The following FBP1 variants were observed in gnomAD, a reference collection of about 807,000 sequenced individuals.
FBP1 encodes fructose-1,6-bisphosphatase 1.
FBP1 carries 22 observed loss-of-function variants against 29.9 expected under a neutral mutation model. That is an observed-to-expected ratio of 0.74 (90% CI 0.53 to 1.05). The LOEUF (loss-of-function observed/expected upper bound fraction) is 1.05. FBP1 is among the 50% of genes least tolerant of loss of function. The pLI, the probability that FBP1 is intolerant of heterozygous loss-of-function variation, is 0.00. For missense variants in FBP1, 345 were observed against 448.2 expected (o/e 0.77, Z 2.08); for synonymous variants, 175 against 178.6 (o/e 0.98, Z 0.16).
chr9:94,608,027 T>G (rs552254321), intron 4 of FBP1, among the ~76,000 whole-genome samples: 1 of 152,328 alleles, frequency 6.6e-6, no homozygotes, highest in East Asian at 1.9e-4. Flanking sequence ...AATAAATGTC[T>G]TTCAAAAAAC....
chr9:94,612,674 A>G (rs1827803539), intron 3 of FBP1, among the ~76,000 whole-genome samples: 1 of 149,912 alleles, frequency 6.7e-6, no homozygotes, highest in Non-Finnish European at 1.5e-5. Context: ...CTCCTGCCTC[A>G]GCCTCCCAAG....
intron 4 of FBP1, among the ~76,000 whole-genome samples, chr9:94,607,543 G>T (rs952885839): frequency 2.0e-5 from 3 of 152,192 alleles, no homozygotes; most frequent in African/African-American, 4.8e-5. Flanking sequence ...GCTCGCTGGC[G>T]TGTGAAGTTT....
rs1027097677 is a variant in FBP1 at position 94,607,779 on chromosome 9, CCACCGA to C, written c.568-833_568-828del. Among the ~76,000 whole-genome samples the C allele has an allele frequency of 1.5e-3, 234 of 152,008 alleles. 1 individual carries two copies. The highest frequency in any genetic ancestry group is 5.3e-3 in the African/African-American group (221 of 41,474). On this transcript the variant is annotated intron_variant, in intron 4 of 6. Transcript: ENST00000375326. The stretch of plus-strand genomic sequence containing the variant: ...CACAAGAGTTGAAAAGAAAAAAGGC[CCACCGA>C]CACCTCTCTACCTAGCCATTTATTC...
chr9:94,637,649 C>T lies in FBP1; in HGVS notation c.170+1492G>A, dbSNP rs28402380. ...CAGGCAATCCACCTGTTTCGGCCTC[C>T]CAAAGTGCTGGGATGACAGGCTAGA... On this transcript the variant is annotated intron_variant, in intron 1 of 6. Transcript: ENST00000375326. Among the ~76,000 whole-genome samples the T allele has an allele frequency of 3.9e-3, 587 of 152,184 alleles. 4 individuals are homozygous for T. The highest frequency in any genetic ancestry group is 6.9e-3 in the Non-Finnish European group (470 of 67,988).
chr9:94,617,682 C>T (rs998680691), intron 3 of FBP1, 86 bp downstream of exon 3: 27 of 852,378 alleles, frequency 3.2e-5, no homozygotes, highest in African/African-American at 6.7e-5. Flanking sequence ...ATCTCCACTC[C>T]GGCTGCTCTG....
chr9:94,611,505 C>T (rs1164575516), intron 3 of FBP1, among the ~76,000 whole-genome samples: 1 of 152,124 alleles, frequency 6.6e-6, no homozygotes, highest in Non-Finnish European at 1.5e-5. Context: ...ATAATCCCAG[C>T]ACTTTGGGAG....
upstream of FBP1, among the ~76,000 whole-genome samples, chr9:94,639,700 G>T (rs566724633): frequency 8.5e-6 from 1 of 118,244 alleles, no homozygotes; most frequent in Non-Finnish European, 1.7e-5. Context: ...GCGCCCTGCC[G>T]CCCCCTAGTC....
intron 1 of FBP1, among the ~76,000 whole-genome samples, chr9:94,635,704 A>G (rs559306451): frequency 6.6e-6 from 1 of 152,324 alleles, no homozygotes; most frequent in African/African-American, 2.4e-5. Context: ...TCCAGCATCT[A>G]GTCCTGTCAG....
chr9:94,636,525 C>T (rs1351877171), intron 1 of FBP1, among the ~76,000 whole-genome samples: 3 of 151,924 alleles, frequency 2.0e-5, no homozygotes, highest in African/African-American at 7.3e-5. Context: ...CCAAAATTAA[C>T]ATGCTTCATC....
chr9:94,606,815 TG>T lies in FBP1; in HGVS notation c.704del (p.Pro235GlnfsTer42), dbSNP rs774362519. 38 of 1,613,372 alleles carry T rather than the reference TG, an allele frequency of 2.4e-5. No individual in the cohort carries two copies. The highest frequency in any genetic ancestry group is 2.9e-5 in the Non-Finnish European group (34 of 1,179,656). On this transcript the variant is annotated frameshift_variant and splice_region_variant, in exon 5 of 7. Transcript: ENST00000375326. LOFTEE classifies it high-confidence loss of function. ...CCACCCTCCCCGGGCCCTCACTTAC[TG>T]GGGGGAACTTCTTCCTCTGGATGTA... ...TEYIQRKKFP[P>X]DNSAPYGARY... is the part of the protein sequence containing the mutation.
chr9:94,621,253 G>A (rs1231151003), intron 1 of FBP1, among the ~76,000 whole-genome samples: 2 of 149,328 alleles, frequency 1.3e-5, no homozygotes, highest in Non-Finnish European at 3.0e-5. Flanking sequence ...AAAATTAGCC[G>A]GGTGTGGTGG....
chr9:94,607,103 T>G, intron 4 of FBP1, 151 bp from the exon 5 acceptor site: 1 of 880,820 alleles, frequency 1.1e-6, no homozygotes, highest in Non-Finnish European at 1.9e-6. Flanking sequence ...CCTGCCAGGC[T>G]CTCTGGGAAC....
chr9:94,605,633 T>C (rs1827686976), intron 5 of FBP1, 57 bp from the exon 6 acceptor site: 2 of 1,576,842 alleles, frequency 1.3e-6, no homozygotes, highest in Admixed American at 1.7e-5. Context: ...GAGAGTTTTC[T>C]TGGTGTCTCC....
At chr9:94,611,080 G>C (rs1294459765) in intron 3 of FBP1, among the ~76,000 whole-genome samples, 1 of 152,016 alleles carries the variant, frequency 6.6e-6, no homozygotes, top group East Asian at 1.9e-4. Context: ...AGCCAGGATG[G>C]TCTCTATTTC....
chr9:94,621,656 A>G (rs914868078), intron 1 of FBP1, among the ~76,000 whole-genome samples: 2 of 152,168 alleles, frequency 1.3e-5, no homozygotes, highest in Non-Finnish European at 2.9e-5. Flanking sequence ...CTACAGATAT[A>G]GTAGATATCT....
chr9:94,639,105 G>T, intron 1 of FBP1, 36 bp downstream of exon 1: 2 of 1,565,926 alleles, frequency 1.3e-6, no homozygotes. Flanking sequence ...CAGGCAGACA[G>T]ACAGGACGGG....
chr9:94,607,358 C>T (rs1362628269), intron 4 of FBP1, among the ~76,000 whole-genome samples: 1 of 152,154 alleles, frequency 6.6e-6, no homozygotes, highest in African/African-American at 2.4e-5. Context: ...GGGAGGTGGG[C>T]TCTCAGGAGA....
chr9:94,634,050 T>C (rs1409828558), intron 1 of FBP1, among the ~76,000 whole-genome samples: 1 of 150,112 alleles, frequency 6.7e-6, no homozygotes, highest in African/African-American at 2.4e-5. Flanking sequence ...TCCCAGGACT[T>C]TGGGAGGCCG....
At chr9:94,607,921 T>G (rs929580457) in intron 4 of FBP1, among the ~76,000 whole-genome samples, 6 of 152,238 alleles carry the variant, frequency 3.9e-5, no homozygotes, top group African/African-American at 1.4e-4. Flanking sequence ...TGGAAGTGAT[T>G]CTTCTTTCTT....
Sources: gnomAD v4.1 joint callset for allele counts (sites outside exome capture counted in the v4.1 genomes callset) on GRCh38, gnomAD v4.1.1 for gene constraint, MANE v1.5 for transcripts, NCBI Gene and HGNC (gene_info 2026-07-23, HGNC 2026-07-21) for gene names.